The following EHBP1 variants were observed in gnomAD, a reference collection of about 807,000 sequenced individuals.
The protein encoded by EHBP1 is EH domain binding protein 1, also known as EH domain-binding protein 1.
In EHBP1, 55 loss-of-function variants were observed where a neutral mutation model predicts 144.0. The observed-to-expected ratio is 0.38, with a 90% CI of 0.31 to 0.48. The LOEUF is 0.48. Ranked by LOEUF, EHBP1 falls within the 20% of genes least tolerant of loss-of-function variation. The pLI is 0.98. For missense variants in EHBP1, 1,200 were observed against 1,364.2 expected (o/e 0.88, Z 1.90); for synonymous variants, 469 against 472.7 (o/e 0.99, Z 0.10).
intron 2 of EHBP1, among the ~76,000 whole-genome samples, chr2:62,709,481 A>G (rs1200806841): frequency 6.6e-6 from 1 of 152,174 alleles, no homozygotes; most frequent in Non-Finnish European, 1.5e-5. Context: ...TTAGAAAATC[A>G]GTTTCTTCCT....
At chr2:62,808,727 T>C (rs1426709267) in intron 5 of EHBP1, among the ~76,000 whole-genome samples, 2 of 152,158 alleles carry the variant, frequency 1.3e-5, no homozygotes, top group Non-Finnish European at 2.9e-5. Context: ...AAGGAAGTGC[T>C]GTAAATAGGC....
chr2:62,886,855 AAT>A (rs1162994914), intron 10 of EHBP1, among the ~76,000 whole-genome samples: 1 of 152,172 alleles, frequency 6.6e-6, no homozygotes, highest in African/African-American at 2.4e-5. Context: ...ACCTTTTTAA[AAT>A]ATATATATGT....
chr2:62,800,560 G>A (rs981334938), intron 5 of EHBP1, among the ~76,000 whole-genome samples: 3 of 152,198 alleles, frequency 2.0e-5, no homozygotes, highest in Non-Finnish European at 2.9e-5. Flanking sequence ...TCGCTGGGAA[G>A]AAATGTGGAT....
At chr2:62,932,449 G>A (rs938364918) in intron 10 of EHBP1, among the ~76,000 whole-genome samples, 6 of 152,070 alleles carry the variant, frequency 3.9e-5, no homozygotes, top group African/African-American at 1.4e-4. Flanking sequence ...AGGACATAAT[G>A]CTAAATGAAA....
At chr2:62,809,357 C>T (rs1330792216) in intron 5 of EHBP1, among the ~76,000 whole-genome samples, 2 of 149,640 alleles carry the variant, frequency 1.3e-5, no homozygotes, top group African/African-American at 4.9e-5. Context: ...ATGGTTCCTC[C>T]TCCCCTCTCC....
At chr2:62,961,623 C>T (rs960401624) in intron 14 of EHBP1, among the ~76,000 whole-genome samples, 3 of 152,202 alleles carry the variant, frequency 2.0e-5, no homozygotes, top group Admixed American at 1.3e-4. Context: ...TCAAAGGAGA[C>T]GTCTTGATCA....
intron 10 of EHBP1, among the ~76,000 whole-genome samples, chr2:62,923,646 A>C (rs1030699320): frequency 1.3e-5 from 2 of 152,106 alleles, no homozygotes; most frequent in Non-Finnish European, 2.9e-5. Context: ...CTACACAGCT[A>C]TGTGCCAGCA....
chr2:62,684,748 G>A (rs549121446), intron 1 of EHBP1, among the ~76,000 whole-genome samples: 1 of 152,268 alleles, frequency 6.6e-6, no homozygotes, highest in East Asian at 1.9e-4. Context: ...CCTTTTCTAT[G>A]AAGTCCACCA....
intron 7 of EHBP1, among the ~76,000 whole-genome samples, chr2:62,836,803 G>GAAATGAGC (rs1399528715): frequency 6.7e-6 from 1 of 150,330 alleles, no homozygotes; most frequent in Non-Finnish European, 1.5e-5. Flanking sequence ...AGAATAAAAA[G>GAAATGAGC]AAATGAGCAA....
chr2:62,921,476 A>T (rs936402761), intron 10 of EHBP1, among the ~76,000 whole-genome samples: 1 of 152,046 alleles, frequency 6.6e-6, no homozygotes, highest in African/African-American at 2.4e-5. Flanking sequence ...AATCCCCATG[A>T]TAACCACAAA....
chr2:62,987,110 C>G (rs1295657994), intron 15 of EHBP1, among the ~76,000 whole-genome samples: 1 of 152,072 alleles, frequency 6.6e-6, no homozygotes, highest in Non-Finnish European at 1.5e-5. Context: ...TAATATGCAA[C>G]TAAAATTGCT....
At chr2:62,957,012 A>G (rs1428223515) in intron 14 of EHBP1, among the ~76,000 whole-genome samples, 1 of 152,222 alleles carries the variant, frequency 6.6e-6, no homozygotes, top group Non-Finnish European at 1.5e-5. Flanking sequence ...AGCTTTTCTT[A>G]AAAACAAAAT....
chr2:62,995,258 A>G (rs1414244859), intron 18 of EHBP1, among the ~76,000 whole-genome samples: 1 of 152,098 alleles, frequency 6.6e-6, no homozygotes, highest in African/African-American at 2.4e-5. Flanking sequence ...TTAAAAATAC[A>G]GTGACTTTTA....
intron 19 of EHBP1, among the ~76,000 whole-genome samples, chr2:63,018,217 GT>G (rs1037599943): frequency 3.9e-5 from 6 of 152,144 alleles, no homozygotes; most frequent in African/African-American, 1.4e-4. Flanking sequence ...TAGTACTTTT[GT>G]TTTTTACTTT....
At chr2:62,817,534 C>T (rs191898984) in intron 5 of EHBP1, among the ~76,000 whole-genome samples, 22 of 152,212 alleles carry the variant, frequency 1.4e-4, no homozygotes, top group Non-Finnish European at 2.4e-4. Flanking sequence ...TAGGGCCTGT[C>T]GGTCCAGTAA....
intron 5 of EHBP1, among the ~76,000 whole-genome samples, chr2:62,782,446 G>A (rs1022377671): frequency 6.6e-6 from 1 of 152,134 alleles, no homozygotes; most frequent in South Asian, 2.1e-4. Context: ...ACTAGTAGTA[G>A]TTGTATTGGT....
Position 63,045,017 on chromosome 2 carries a change from G to A in EHBP1, c.3278-49G>A, listed in dbSNP as rs1157582278. The A allele has an allele frequency of 1.4e-6, 2 of 1,391,860 alleles. No individual in the cohort carries two copies. The highest frequency in any genetic ancestry group is 1.4e-5 in the African/African-American group (1 of 69,790). The allele number at this position is 1,391,860 out of a possible 1,614,324, so 86.2% of individuals were successfully genotyped here. A position where few individuals can be genotyped will look rare whatever the true frequency, so the allele number is the denominator to read the frequency against. On this transcript the variant is annotated intron_variant, in intron 21 of 22. Transcript: ENST00000431489. This position sits in a 1 kb window ranked among gnomAD's most constrained non-coding sequence, Gnocchi z 5.7. ...GCGGGAAGGGGAGGGCGGGGGGCCG[G>A]GTGTTCGGAGGCCCTGCCGGTGGGT...
At chr2:62,841,938 G>A (rs1319381700) in intron 7 of EHBP1, among the ~76,000 whole-genome samples, 1 of 152,110 alleles carries the variant, frequency 6.6e-6, no homozygotes, top group East Asian at 1.9e-4. Flanking sequence ...ATTGCACACA[G>A]TTTTGGAAGA....
chr2:62,960,824 G>C (rs184192534), intron 14 of EHBP1, among the ~76,000 whole-genome samples: 1 of 152,316 alleles, frequency 6.6e-6, no homozygotes, highest in Admixed American at 6.5e-5. Context: ...TCTGAAGTCA[G>C]TTACAGATAA....
Sources: allele counts gnomAD v4.1 joint callset (sites outside exome capture counted in the v4.1 genomes callset), GRCh38; gene constraint gnomAD v4.1.1; non-coding constraint Gnocchi (gnomAD v3.1); transcripts MANE v1.5; gene names NCBI Gene and HGNC (gene_info 2026-07-23, HGNC 2026-07-21).